Variants in MROH1 observed in about 807,000 individuals in gnomAD.
MROH1 encodes maestro heat-like repeat-containing protein family member 1.
Under a neutral mutation model 116.5 loss-of-function variants are expected in MROH1, and 117 were observed. That is an observed-to-expected ratio of 1.00 (90% confidence interval 0.86 to 1.17). MROH1 has a LOEUF of 1.17. Among genes scored for constraint, MROH1 ranks in the 50% most tolerant of loss-of-function variants. The pLI is 0.00. For synonymous variants in MROH1, 921 were observed against 583.9 expected (o/e 1.58, Z -8.32); for missense variants, 1,873 against 1,338.5 (o/e 1.40, Z -6.23).
At chr8:144,247,232 G>C in intron 29 of MROH1, 69 bp from the exon 30 acceptor site, 1 of 732,228 alleles carries the variant, frequency 1.4e-6, no homozygotes, top group Non-Finnish European at 2.5e-6. Context: ...CCCTCCTCTG[G>C]GTACAGGTGG....
chr8:144,245,169 G>C lies in MROH1; in HGVS notation c.2780G>C (p.Trp927Ser). Residue 927 changes from tryptophan (W) to serine (S), a missense_variant, in exon 29 of 44, where the codon TGG becomes TCG. Transcript: ENST00000326134. ...CCTCTTCCTCAGCACCTGAGCCCAT[G>C]GATCAAGTCCCCAAGAGGTCACGAG... ...LQIMIEHLSP[W>S]IKSPRGHERA... The C allele has an allele frequency of 1.3e-6, 1 of 779,220 alleles. No individual in the cohort carries two copies. The allele number at this position is 779,220 out of a possible 1,614,324, so 48.3% of individuals were successfully genotyped here.
At chr8:144,181,227 C>T (rs1427057297) in intron 7 of MROH1, among the ~76,000 whole-genome samples, 1 of 117,530 alleles carries the variant, frequency 8.5e-6, no homozygotes, top group Non-Finnish European at 1.6e-5. Context: ...AAAGAGCCAG[C>T]CCTCTGGGGC....
At chr8:144,192,615 C>A (rs1828924299) in intron 10 of MROH1, 2 of 694,142 alleles carry the variant, frequency 2.9e-6, no homozygotes, top group African/African-American at 3.5e-5. Flanking sequence ...GACATAGCAG[C>A]CCCCAGGATG....
chr8:144,174,789 A>AT (rs1301294623), intron 4 of MROH1: 15 of 981,634 alleles, frequency 1.5e-5, no homozygotes, highest in East Asian at 1.1e-4. Context: ...GGCCCTATCC[A>AT]TTTTTTGTAA....
rs1158656438 is a variant in MROH1, at chr8:144,180,607, G to A, written c.562+84G>A. 2 of 1,348,022 alleles carry A rather than the reference G, an allele frequency of 1.5e-6. No homozygotes were observed. Among genetic ancestry groups the A allele is most frequent in the African/African-American group, 1.4e-5 (1 of 69,906 alleles). 83.5% of individuals were successfully genotyped at this position (1,348,022 alleles called of 1,614,324 possible). A position where few individuals can be genotyped will look rare whatever the true frequency, so the allele number is the denominator to read the frequency against. On this transcript the variant is annotated intron_variant, in intron 7 of 43. Coordinates refer to ENST00000326134, the MANE Select transcript of MROH1 (RefSeq NM_032450.3). The surrounding 1 kb of genome is among the most constrained non-coding windows in gnomAD (Gnocchi z 7.4). Reference sequence around the variant, plus strand: ...GGGCATGCCTGTTTTAGGGGGGACAGGTGGGCACTTTAGGCTGCAGGAAGG... The same window carrying A: ...GGGCATGCCTGTTTTAGGGGGGACAAGTGGGCACTTTAGGCTGCAGGAAGG...
intron 26 of MROH1, 126 bp downstream of exon 26, chr8:144,244,068 G>A (rs1244041576): frequency 3.0e-5 from 21 of 708,402 alleles, no homozygotes; most frequent in African/African-American, 1.7e-4. Flanking sequence ...GTGTGTGCAC[G>A]CCTTGTGTGT....
At chr8:144,161,410 T>C (rs1458770428) in intron 2 of MROH1, among the ~76,000 whole-genome samples, 1 of 152,210 alleles carries the variant, frequency 6.6e-6, no homozygotes, top group Non-Finnish European at 1.5e-5. Flanking sequence ...TGGGCAGCGC[T>C]TTCTCTGGTA....
In MROH1 at chr8:144,190,807, G is replaced by T; in HGVS notation, c.586G>T (p.Ala196Ser). 6.2e-7 allele frequency: 1 copy of T among 1,613,596 alleles called. No individual in the cohort carries two copies. The highest frequency in any genetic ancestry group is 8.5e-7 in the Non-Finnish European group (1 of 1,179,840). ...AGCTCTGCAGCGCTTCAGCGAGGGTGCCCTGGAGTACCTAGCCAACCTGGA... is the reference window on the plus strand; with the variant it reads ...AGCTCTGCAGCGCTTCAGCGAGGGTTCCCTGGAGTACCTAGCCAACCTGGA... Reference protein sequence around the residue: ...CSALQRFSEGALEYLANLDRA... With the variant: ...CSALQRFSEGSLEYLANLDRA... Residue 196 changes from alanine to serine, a missense_variant, in exon 8 of 44, where the codon GCC (alanine) becomes TCC (serine). Transcript: ENST00000326134.
chr8:144,178,428 G>A lies in MROH1; in HGVS notation c.169-1027G>A, dbSNP rs989092105. On this transcript the variant is annotated intron_variant, in intron 4 of 43. Transcript: ENST00000326134. ...ATTACAGGCGTGAGCCACCACGCACGGCCTGTACTTTTTTTTTTTTAGTAG... is the reference window on the plus strand; with the variant it reads ...ATTACAGGCGTGAGCCACCACGCACAGCCTGTACTTTTTTTTTTTTAGTAG... Among the ~76,000 whole-genome samples, 10 of 150,258 alleles carry A rather than the reference G, an allele frequency of 6.7e-5. No individual in the cohort carries two copies. In the South Asian group the frequency reaches 1.7e-3, roughly 25 times the overall value.
chr8:144,237,067 G>A lies in MROH1; in HGVS notation c.1339-1689G>A, dbSNP rs1484261598. Among the ~76,000 whole-genome samples, 10 of 151,652 alleles carry A rather than the reference G, an allele frequency of 6.6e-5. No individual in the cohort carries two copies. The East Asian group carries it at 7.9e-4, about 12-fold the overall frequency. ...ACTACAGGCGCCCGCCACCACGCCC[G>A]GCTAATTTTTTGTATTTTTAGTAGA... is the stretch of plus-strand genomic sequence containing the variant. On this transcript the variant is annotated intron_variant, in intron 14 of 43. Coordinates refer to ENST00000326134, the MANE Select transcript of MROH1 (RefSeq NM_032450.3).
chr8:144,166,505 G>T (rs145007047), intron 3 of MROH1, among the ~76,000 whole-genome samples: 78 of 152,318 alleles, frequency 5.1e-4, no homozygotes, highest in African/African-American at 1.7e-3. Context: ...CTGTGTGCGG[G>T]GCCAGGATGG....
intron 14 of MROH1, among the ~76,000 whole-genome samples, chr8:144,231,494 T>C (rs1162820551): frequency 2.6e-5 from 4 of 152,160 alleles, no homozygotes; most frequent in African/African-American, 9.7e-5. Flanking sequence ...AATTTCATTA[T>C]TGTTGTCTTT....
At chr8:144,175,518 C>T (rs770092539) in intron 4 of MROH1, 6 of 985,478 alleles carry the variant, frequency 6.1e-6, no homozygotes, top group South Asian at 4.7e-5. Flanking sequence ...CGTGCTGCCC[C>T]GGCAGTTAAT....
chr8:144,256,171 AT>A (rs1166851007), intron 35 of MROH1, among the ~76,000 whole-genome samples: 2 of 152,100 alleles, frequency 1.3e-5, no homozygotes, highest in African/African-American at 4.8e-5. Flanking sequence ...GACATGAAGC[AT>A]TCCAGGTCCT....
chr8:144,233,756 G>A (rs1554823671), intron 14 of MROH1, among the ~76,000 whole-genome samples: 1 of 152,154 alleles, frequency 6.6e-6, no homozygotes, highest in African/African-American at 2.4e-5. Context: ...GGACACTCGG[G>A]GTGCTGCCAC....
chr8:144,261,802 A>G lies in MROH1; in HGVS notation c.*62A>G. On this transcript the variant is annotated 3_prime_UTR_variant, in exon 44 of 44. Transcript: ENST00000326134. ...CAGACCTGTGCCTGAGCTCCAAGACAGGGCCTCCTGAGGACCACAGCCTGG... is the reference window on the plus strand; with the variant it reads ...CAGACCTGTGCCTGAGCTCCAAGACGGGGCCTCCTGAGGACCACAGCCTGG... The G allele has an allele frequency of 2.9e-6, 2 of 699,918 alleles. No individual in the cohort carries two copies. Among genetic ancestry groups the G allele is most frequent in the South Asian group, 3.0e-5 (2 of 67,500 alleles). 43.4% of individuals were successfully genotyped at this position (699,918 alleles called of 1,614,324 possible).
At chr8:144,227,383 C>A (rs1838007958) in intron 14 of MROH1, among the ~76,000 whole-genome samples, 1 of 152,198 alleles carries the variant, frequency 6.6e-6, no homozygotes, top group Admixed American at 6.5e-5. Context: ...TGCCTGTAAT[C>A]CCAGCACTTT....
At chr8:144,213,108 C>T (rs770417479) in intron 12 of MROH1, 10 of 774,572 alleles carry the variant, frequency 1.3e-5, no homozygotes, top group Middle Eastern at 4.5e-4. Flanking sequence ...GCCGCGCCCG[C>T]GTCTGTTGCT....
At chr8:144,235,165 G>C (rs958377231) in intron 14 of MROH1, among the ~76,000 whole-genome samples, 1 of 152,110 alleles carries the variant, frequency 6.6e-6, no homozygotes, top group East Asian at 1.9e-4. Context: ...CAAAGTGCAA[G>C]GATTACAGGC....
Sources: allele counts gnomAD v4.1 joint callset (sites outside exome capture counted in the v4.1 genomes callset), GRCh38; gene constraint gnomAD v4.1.1; non-coding constraint Gnocchi (gnomAD v3.1); transcripts MANE v1.5; gene names NCBI Gene and HGNC (gene_info 2026-07-23, HGNC 2026-07-21).